Variants in NMNAT3 observed in about 807,000 individuals in gnomAD.
NMNAT3 encodes the protein nicotinamide/nicotinic acid mononucleotide adenylyltransferase 3.
NMNAT3 carries 21 observed loss-of-function variants against 24.8 expected under a neutral mutation model. That is an observed-to-expected ratio of 0.85 (90% CI 0.60 to 1.22). The LOEUF (loss-of-function observed/expected upper bound fraction) is 1.22. NMNAT3 is among the 50% of genes most tolerant of loss of function. NMNAT3 has a pLI of 0.00. For synonymous variants in NMNAT3, 136 were observed against 155.2 expected (o/e 0.88, Z 0.92); for missense variants, 387 against 436.6 (o/e 0.89, Z 1.01).
intron 1 of NMNAT3, among the ~76,000 whole-genome samples, chr3:139,642,820 T>A (rs985619289): frequency 1.3e-5 from 2 of 152,116 alleles, no homozygotes; most frequent in African/African-American, 4.8e-5. Context: ...TGCTGGCTGC[T>A]TCCCTCCTGT....
chr3:139,654,835 T>C (rs1369555567), intron 1 of NMNAT3, among the ~76,000 whole-genome samples: 1 of 152,216 alleles, frequency 6.6e-6, no homozygotes, highest in African/African-American at 2.4e-5. Context: ...ACAGCAGCTA[T>C]GAGTCAGGCA....
intron 1 of NMNAT3, among the ~76,000 whole-genome samples, chr3:139,641,073 T>C (rs573054689): frequency 1.3e-5 from 2 of 152,378 alleles, no homozygotes; most frequent in South Asian, 2.1e-4. Context: ...GTCTTGTTTC[T>C]TCCTGCACTT....
intron 3 of NMNAT3, among the ~76,000 whole-genome samples, chr3:139,604,840 G>C (rs2108231145): frequency 1.3e-5 from 2 of 152,304 alleles, no homozygotes; most frequent in South Asian, 4.1e-4. Flanking sequence ...CAGAGGAAAT[G>C]CAAGTTCACT....
At chr3:139,611,862 G>A (rs2055231718) in intron 3 of NMNAT3, among the ~76,000 whole-genome samples, 3 of 152,110 alleles carry the variant, frequency 2.0e-5, no homozygotes, top group African/African-American at 7.2e-5. Flanking sequence ...CTGTTGAGTC[G>A]ATCATAAAAA....
chr3:139,615,990 A>G (rs2055483682), intron 3 of NMNAT3, among the ~76,000 whole-genome samples: 1 of 152,076 alleles, frequency 6.6e-6, no homozygotes, highest in South Asian at 2.1e-4. Flanking sequence ...CCTTGTTCTT[A>G]TACATTCAAC....
At position 139,583,350 on chromosome 3, in the gene NMNAT3, C is replaced by T. The variant is rs1002713669; in HGVS notation, c.110-142G>A. On this transcript the variant is annotated intron_variant, in intron 3 of 6. Coordinates refer to ENST00000643695, the MANE Select transcript of NMNAT3 (RefSeq NM_001320510.2). ...GGAAGTTTCACAAGTGGAATCTGTTCAATAGGTACATTTTCAACTGGAATG... is the reference window on the plus strand; with the variant it reads ...GGAAGTTTCACAAGTGGAATCTGTTTAATAGGTACATTTTCAACTGGAATG... 101 of 1,482,820 alleles carry T rather than the reference C, an allele frequency of 6.8e-5. No homozygotes were observed. The African/African-American group carries it at 1.3e-3, about 19-fold the overall frequency. 91.9% of individuals were successfully genotyped at this position (1,482,820 alleles called of 1,614,324 possible).
chr3:139,577,026 C>T (rs555454478), intron 5 of NMNAT3, among the ~76,000 whole-genome samples: 2 of 152,038 alleles, frequency 1.3e-5, no homozygotes, highest in South Asian at 4.2e-4. Flanking sequence ...CACTGCACTC[C>T]AGCCTGGGCA....
chr3:139,564,790 C>T (rs1576489646), intron 6 of NMNAT3, among the ~76,000 whole-genome samples: 2 of 152,346 alleles, frequency 1.3e-5, no homozygotes, highest in African/African-American at 2.4e-5. Flanking sequence ...CAAACTTATG[C>T]TGAGAAAAAT....
chr3:139,598,722 G>T (rs540181304), intron 3 of NMNAT3, among the ~76,000 whole-genome samples: 1 of 152,200 alleles, frequency 6.6e-6, no homozygotes, highest in African/African-American at 2.4e-5. Flanking sequence ...GTAAGTTTGG[G>T]GTGGTTTGTT....
chr3:139,672,064 G>C (rs912660941), intron 1 of NMNAT3, among the ~76,000 whole-genome samples: 5 of 152,190 alleles, frequency 3.3e-5, no homozygotes, highest in Non-Finnish European at 7.3e-5. Flanking sequence ...GCTGCTGATG[G>C]CAGTGGTTAG....
chr3:139,582,068 G>A (rs2053646526), intron 4 of NMNAT3, among the ~76,000 whole-genome samples: 1 of 151,040 alleles, frequency 6.6e-6, no homozygotes, highest in Admixed American at 6.6e-5. Flanking sequence ...AATGGTGTGT[G>A]CCTGTAATCC....
At chr3:139,566,458 A>C (rs1262995430) in intron 6 of NMNAT3, 1 of 152,186 alleles carries the variant, frequency 6.6e-6, no homozygotes, top group Non-Finnish European at 1.5e-5. Flanking sequence ...CCTGAATGGT[A>C]ATGCCTAGGT....
At chr3:139,631,345 G>A (rs2056288646) in intron 2 of NMNAT3, among the ~76,000 whole-genome samples, 1 of 152,144 alleles carries the variant, frequency 6.6e-6, no homozygotes, top group Non-Finnish European at 1.5e-5. Flanking sequence ...AATCACTCCA[G>A]GGATCCACCA....
chr3:139,613,546 A>T (rs1291112301), intron 3 of NMNAT3, among the ~76,000 whole-genome samples: 1 of 152,172 alleles, frequency 6.6e-6, no homozygotes, highest in East Asian at 1.9e-4. Context: ...GGGACTGTAA[A>T]CTAGTTCAAC....
intron 1 of NMNAT3, among the ~76,000 whole-genome samples, chr3:139,652,583 G>A (rs1471353970): frequency 6.6e-6 from 1 of 152,158 alleles, no homozygotes; most frequent in Non-Finnish European, 1.5e-5. Flanking sequence ...CAGCCTATGG[G>A]GGGCAACAGC....
intron 1 of NMNAT3, among the ~76,000 whole-genome samples, chr3:139,653,175 TA>T (rs1387361141): frequency 5.3e-5 from 8 of 152,154 alleles, no homozygotes; most frequent in Non-Finnish European, 1.0e-4. Flanking sequence ...CTCCATTTTA[TA>T]AAATTACTTA....
intron 1 of NMNAT3, among the ~76,000 whole-genome samples, chr3:139,657,515 T>A (rs2057285225): frequency 6.6e-6 from 1 of 152,074 alleles, no homozygotes; most frequent in South Asian, 2.1e-4. Context: ...TAGTGGGGTG[T>A]GTGCTGTGGC....
At position 139,567,982 on chromosome 3, in the gene NMNAT3, T is replaced by C. The variant is rs547966496; in HGVS notation, c.658+5616A>G. 2.2e-3 allele frequency: 338 copies of C among 152,290 alleles called. 1 individual carries two copies. The highest frequency in any genetic ancestry group is 7.9e-3 in the African/African-American group (329 of 41,522). The allele number at this position is 152,290 out of a possible 1,614,324, so 9.4% of individuals were successfully genotyped here. A position where few individuals can be genotyped will look rare whatever the true frequency, so the allele number is the denominator to read the frequency against. On this transcript the variant is annotated intron_variant, in intron 6 of 6. Coordinates refer to ENST00000643695, the MANE Select transcript of NMNAT3 (RefSeq NM_001320510.2). ...AATCCATCTGGTCCTGGACTTTTTT[T>C]GGTTGGTAAGCTATTGATTATTGCC...
intron 2 of NMNAT3, among the ~76,000 whole-genome samples, chr3:139,628,335 T>C (rs1227578383): frequency 1.3e-5 from 2 of 152,258 alleles, no homozygotes; most frequent in Non-Finnish European, 2.9e-5. Flanking sequence ...TATCACTCTC[T>C]TTCCACACAC....
Sources: allele counts gnomAD v4.1 joint callset (sites outside exome capture counted in the v4.1 genomes callset), GRCh38; gene constraint gnomAD v4.1.1; transcripts MANE v1.5; gene names NCBI Gene and HGNC (gene_info 2026-07-23, HGNC 2026-07-21).